SH3BGRL: variants seen among roughly 807,000 people sequenced by gnomAD.
SH3BGRL encodes SH3 domain binding glutamate rich protein like.
In SH3BGRL, 7 loss-of-function variants were observed where a neutral mutation model predicts 9.8. That is an observed-to-expected ratio of 0.72 (90% CI 0.41 to 1.35). The LOEUF is 1.35. SH3BGRL is among the 40% of genes most tolerant of loss of function. The pLI is 0.01. For missense variants in SH3BGRL, 73 were observed against 84.4 expected (o/e 0.86, Z 0.53); for synonymous variants, 36 against 29.1 (o/e 1.24, Z -0.76).
At chrX:81,257,379 C>G (rs1434216853) in intron 1 of SH3BGRL, among the ~76,000 whole-genome samples, 1 of 111,824 alleles carries the variant, frequency 8.9e-6, no homozygotes, top group East Asian at 2.8e-4. Context: ...GTAACAAATA[C>G]TAAGTATTTA....
intron 1 of SH3BGRL, among the ~76,000 whole-genome samples, chrX:81,208,060 G>A (rs1290939670): frequency 9.0e-6 from 1 of 111,238 alleles, no homozygotes; most frequent in Non-Finnish European, 1.9e-5. Context: ...TTCAAGACCA[G>A]CCTGGCTAAC....
At chrX:81,270,737 C>A (rs139566717) in intron 1 of SH3BGRL, among the ~76,000 whole-genome samples, 183 of 111,823 alleles carry the variant, frequency 1.6e-3, no homozygotes, top group Non-Finnish European at 2.8e-3. Flanking sequence ...AACACCATGT[C>A]GGGAGAACTA....
intron 1 of SH3BGRL, among the ~76,000 whole-genome samples, chrX:81,230,805 C>T (rs961271221): frequency 8.9e-6 from 1 of 111,856 alleles, no homozygotes; most frequent in Non-Finnish European, 1.9e-5. Flanking sequence ...GTGGCCCCAA[C>T]TGACTGTTGA....
chrX:81,216,149 CTGTT>C (rs1249365425), intron 1 of SH3BGRL, among the ~76,000 whole-genome samples: 1 of 111,677 alleles, frequency 9.0e-6, no homozygotes, highest in Non-Finnish European at 1.9e-5. Flanking sequence ...CAACCACTTT[CTGTT>C]TGTCACTCTT....
At chrX:81,227,019 G>C (rs1182804888) in intron 1 of SH3BGRL, among the ~76,000 whole-genome samples, 2 of 112,275 alleles carry the variant, frequency 1.8e-5, no homozygotes, top group Non-Finnish European at 3.8e-5. Context: ...TCCTTGTGCA[G>C]TTCACTTAAC....
At chrX:81,205,496 G>GTC (rs2075544269) in intron 1 of SH3BGRL, among the ~76,000 whole-genome samples, 1 of 88,557 alleles carries the variant, frequency 1.1e-5, no homozygotes, top group Admixed American at 1.2e-4. Flanking sequence ...ATGTGTGTGT[G>GTC]TGTGTGTGTA....
intron 1 of SH3BGRL, among the ~76,000 whole-genome samples, chrX:81,208,050 T>C (rs1319915066): frequency 9.2e-6 from 1 of 109,057 alleles, no homozygotes; most frequent in African/African-American, 3.4e-5. Context: ...AGGTCAGGAG[T>C]TCAAGACCAG....
At chrX:81,207,565 T>C (rs1377637483) in intron 1 of SH3BGRL, among the ~76,000 whole-genome samples, 1 of 112,508 alleles carries the variant, frequency 8.9e-6, no homozygotes, top group Non-Finnish European at 1.9e-5. Flanking sequence ...GCTCTGTCTG[T>C]ATTTATACAT....
chrX:81,258,608 G>C (rs1286448515), intron 1 of SH3BGRL, among the ~76,000 whole-genome samples: 1 of 112,475 alleles, frequency 8.9e-6, no homozygotes, highest in East Asian at 2.8e-4. Context: ...TTTTGGTTGA[G>C]AGAAGTGGGG....
intron 1 of SH3BGRL, among the ~76,000 whole-genome samples, chrX:81,250,794 G>A (rs1258115872): frequency 1.8e-5 from 2 of 111,832 alleles, no homozygotes; most frequent in Admixed American, 9.5e-5. Flanking sequence ...CATGAGCCAC[G>A]TTTTCCTTCA....
chrX:81,275,571 C>G (rs1478216723), intron 1 of SH3BGRL, among the ~76,000 whole-genome samples: 1 of 111,990 alleles, frequency 8.9e-6, no homozygotes, highest in Non-Finnish European at 1.9e-5. Context: ...GTCCACTAGG[C>G]ACTCCTATTT....
intron 1 of SH3BGRL, among the ~76,000 whole-genome samples, chrX:81,256,424 T>C (rs1361299650): frequency 3.6e-5 from 4 of 112,169 alleles, no homozygotes; most frequent in African/African-American, 1.3e-4. Flanking sequence ...CTTTAGAAGC[T>C]CCTTTTTATG....
chrX:81,284,740 T>C, intron 3 of SH3BGRL, among the ~76,000 whole-genome samples: 1 of 110,960 alleles, frequency 9.0e-6, no homozygotes, highest in South Asian at 3.8e-4. Flanking sequence ...ATTAGATCCC[T>C]GAGGAGAATT....
chrX:81,247,768 C>A (rs1267544067), intron 1 of SH3BGRL, among the ~76,000 whole-genome samples: 1 of 110,303 alleles, frequency 9.1e-6, no homozygotes, highest in Non-Finnish European at 1.9e-5. Flanking sequence ...CTGCAGTTTT[C>A]TTTTTTTAGT....
At chrX:81,237,124 G>T in intron 1 of SH3BGRL, 2 of 805,325 alleles carry the variant, frequency 2.5e-6, no homozygotes, top group Non-Finnish European at 3.3e-6. Context: ...CTAGGGAAGA[G>T]ATGGATCAAG....
rs377166750 is a variant in SH3BGRL, at chrX:81,276,994, A to G, written c.56A>G (p.Lys19Arg). The change falls in exon 2 of 4, where the codon AAA (lysine) becomes AGA (arginine). Residue 19 changes from lysine to arginine, a missense_variant. By Grantham distance (26) the Lys-to-Arg change is conservative (BLOSUM62 2). Transcript: ENST00000373212. ...SSSGSTAIKK[K>R]QQDVLGFLEA... ...GTCCTTTGGTCCTAGATTAAGAAGAAACAACAAGATGTGCTTGGTTTCCTA... is the reference window on the plus strand; with the variant it reads ...GTCCTTTGGTCCTAGATTAAGAAGAGACAACAAGATGTGCTTGGTTTCCTA... 53 of 1,204,485 alleles carry G rather than the reference A, an allele frequency of 4.4e-5. No individual in the cohort carries two copies. The highest frequency in any genetic ancestry group is 5.5e-5 in the Non-Finnish European group (49 of 892,855).
At chrX:81,271,180 A>G (rs1233021082) in intron 1 of SH3BGRL, among the ~76,000 whole-genome samples, 1 of 111,885 alleles carries the variant, frequency 8.9e-6, no homozygotes, top group Non-Finnish European at 1.9e-5. Context: ...AGGAAAGGGA[A>G]ATCCTATGAC....
intron 1 of SH3BGRL, among the ~76,000 whole-genome samples, chrX:81,273,993 G>A (rs2075789457): frequency 9.0e-6 from 1 of 111,461 alleles, no homozygotes; most frequent in African/African-American, 3.3e-5. Context: ...AGAGGTGAGG[G>A]GTGTGGTTTA....
rs934060721 is a variant in SH3BGRL at position 81,225,286 on chromosome X, T to A, written c.45+23041T>A. Reference sequence around the variant, plus strand: ...GGAGATTATTTATATATTTTCTTTTTAATTTTTATAATTTAGGGGGTACAA... The same window carrying A: ...GGAGATTATTTATATATTTTCTTTTAAATTTTTATAATTTAGGGGGTACAA... On this transcript the variant is annotated intron_variant, in intron 1 of 3. Coordinates refer to ENST00000373212, the MANE Select transcript of SH3BGRL (RefSeq NM_003022.3). Among the ~76,000 whole-genome samples, 20 of 111,370 alleles carry A rather than the reference T, an allele frequency of 1.8e-4. No individual in the cohort carries two copies. The East Asian group carries it at 5.4e-3, about 30-fold the overall frequency.
Sources: gnomAD v4.1 joint callset for allele counts (sites outside exome capture counted in the v4.1 genomes callset) on GRCh38, gnomAD v4.1.1 for gene constraint, MANE v1.5 for transcripts, NCBI Gene and HGNC (gene_info 2026-07-23, HGNC 2026-07-21) for gene names.